FCHO2: variants seen among roughly 807,000 people sequenced by gnomAD.
The protein encoded by FCHO2 is FCH and mu domain containing endocytic adaptor 2, also known as F-BAR domain only protein 2.
In FCHO2, 43 loss-of-function variants were observed where a neutral mutation model predicts 114.1. The ratio of observed to expected loss-of-function variants is 0.38; its 90% CI spans 0.30 to 0.49. The LOEUF is 0.49. Ranked by LOEUF, FCHO2 falls within the 20% of genes least tolerant of loss-of-function variation. The probability of loss-of-function intolerance (pLI) is 0.97; values close to 1 mark genes in which losing one functional copy is unlikely to be tolerated. For synonymous variants in FCHO2, 293 were observed against 315.2 expected (o/e 0.93, Z 0.75); for missense variants, 807 against 950.4 (o/e 0.85, Z 1.98).
In FCHO2 at chr5:72,970,513, G is replaced by T. The variant is rs377652031; in HGVS notation, c.125+1924G>T. On this transcript the variant is annotated intron_variant, in intron 2 of 25. Coordinates refer to ENST00000430046, the MANE Select transcript of FCHO2 (RefSeq NM_138782.3). Reference sequence around the variant, plus strand: ...TTAGAACTTTAATTTCCATTCAAAAGAAGTAAAATATAAATTCAATAAGTT... The same window carrying T: ...TTAGAACTTTAATTTCCATTCAAAATAAGTAAAATATAAATTCAATAAGTT... Among the ~76,000 whole-genome samples the T allele has an allele frequency of 5.3e-5, 8 of 150,418 alleles. No individual in the cohort carries two copies. In the East Asian group the frequency reaches 7.8e-4, roughly 15 times the overall value.
At chr5:73,025,022 G>C (rs978606873) in intron 8 of FCHO2, among the ~76,000 whole-genome samples, 10 of 152,032 alleles carry the variant, frequency 6.6e-5, no homozygotes, top group African/African-American at 2.4e-4. Context: ...ATGGGCTTTC[G>C]TAGAGTCACT....
intron 1 of FCHO2, among the ~76,000 whole-genome samples, chr5:72,958,090 A>G (rs957533081): frequency 6.6e-6 from 1 of 151,532 alleles, no homozygotes; most frequent in African/African-American, 2.4e-5. Flanking sequence ...CTGATACATA[A>G]TGTGCAAACA....
chr5:73,032,631 C>T (rs1036763882), intron 8 of FCHO2, among the ~76,000 whole-genome samples: 4 of 151,988 alleles, frequency 2.6e-5, no homozygotes, highest in African/African-American at 9.7e-5. Flanking sequence ...TGTAAAAGTC[C>T]TTCTAGATAA....
intron 1 of FCHO2, among the ~76,000 whole-genome samples, chr5:72,962,717 A>G (rs1477305573): frequency 6.6e-6 from 1 of 152,060 alleles, no homozygotes; most frequent in East Asian, 1.9e-4. Context: ...ACATGGTGAA[A>G]CCCCGTCTCT....
At chr5:72,962,670 G>A (rs563569769) in intron 1 of FCHO2, among the ~76,000 whole-genome samples, 114 of 152,214 alleles carry the variant, frequency 7.5e-4, no homozygotes, top group African/African-American at 2.5e-3. Flanking sequence ...TGAGGTGGGC[G>A]GACCATGAGG....
chr5:73,032,928 T>C (rs2112789933), intron 8 of FCHO2, among the ~76,000 whole-genome samples: 1 of 152,326 alleles, frequency 6.6e-6, no homozygotes, highest in South Asian at 2.1e-4. Flanking sequence ...AAGCTGTTGG[T>C]AATTTAGGTA....
chr5:72,975,507 C>CT lies in FCHO2; in HGVS notation c.125+6928dup, dbSNP rs932555172. On this transcript the variant is annotated intron_variant, in intron 2 of 25. Transcript: ENST00000430046. ...ATGTTCGGCTGATTTTTGTATTATT[C>CT]TTTTTTTTTTGAGACAGAGTCTCGC... is the stretch of plus-strand genomic sequence containing the variant. Among the ~76,000 whole-genome samples the CT allele has an allele frequency of 1.2e-3, 172 of 148,456 alleles. 1 individual carries two copies. The highest frequency in any genetic ancestry group is 3.7e-3 in the African/African-American group (149 of 40,578).
intron 1 of FCHO2, among the ~76,000 whole-genome samples, chr5:72,964,417 G>A (rs549715147): frequency 2.0e-5 from 3 of 152,002 alleles, no homozygotes; most frequent in Admixed American, 6.6e-5. Flanking sequence ...ACTGAGTTTC[G>A]CTGTATTGCT....
intron 24 of FCHO2, among the ~76,000 whole-genome samples, chr5:73,083,751 G>A (rs190924060): frequency 8.5e-4 from 130 of 152,192 alleles, no homozygotes; most frequent in Middle Eastern, 6.8e-3. Flanking sequence ...AATTAGCTGG[G>A]CGTCATGGTG....
At chr5:72,967,827 C>G (rs1752284808) in intron 1 of FCHO2, among the ~76,000 whole-genome samples, 2 of 151,674 alleles carry the variant, frequency 1.3e-5, no homozygotes, top group Non-Finnish European at 2.9e-5. Context: ...ACCATGTTGG[C>G]CAGGCTGATC....
At chr5:73,033,413 A>G (rs1561464435) in intron 8 of FCHO2, among the ~76,000 whole-genome samples, 1 of 152,122 alleles carries the variant, frequency 6.6e-6, no homozygotes, top group African/African-American at 2.4e-5. Context: ...GGACATTAAG[A>G]CAATATTTTT....
intron 1 of FCHO2, among the ~76,000 whole-genome samples, chr5:72,960,868 C>A (rs1332874843): frequency 6.6e-6 from 1 of 152,082 alleles, no homozygotes. Context: ...CACCCAAAGA[C>A]ACTAAGTAGT....
Position 73,087,731 on chromosome 5 carries a change from A to C in FCHO2, c.2388A>C (p.Leu796Phe), listed in dbSNP as rs571911734. Residue 796 changes from leucine (L) to phenylalanine (F), a missense_variant, in exon 25 of 26, where the codon TTA becomes TTC. By Grantham distance (22) the Leu-to-Phe change is conservative. Transcript: ENST00000430046. Reference protein sequence around the residue: ...ELVGTGYRLSLIKKRFATGRY... With the variant: ...ELVGTGYRLSFIKKRFATGRY... ...TGGGCACTGGCTATAGGCTTTCCTT[A>C]ATAAAGAAGCGGTTTGCTACTGGTA... The C allele has an allele frequency of 6.9e-6, 11 of 1,584,954 alleles. No homozygotes were observed. The Admixed American group carries it at 1.9e-4, about 27-fold the overall frequency.
intron 11 of FCHO2, among the ~76,000 whole-genome samples, chr5:73,045,995 C>T (rs948607347): frequency 5.9e-5 from 9 of 152,084 alleles, no homozygotes; most frequent in Admixed American, 3.9e-4. Context: ...TGAATCACTT[C>T]GTAGAGTGAT....
intron 5 of FCHO2, chr5:72,997,543 C>T: frequency 7.5e-7 from 1 of 1,339,572 alleles, no homozygotes; most frequent in Admixed American, 1.7e-5. Context: ...ACCCCAGTGA[C>T]ACAACCCTTC....
intron 5 of FCHO2, among the ~76,000 whole-genome samples, chr5:72,998,359 C>T (rs1427864075): frequency 1.3e-5 from 2 of 151,896 alleles, no homozygotes; most frequent in South Asian, 2.1e-4. Flanking sequence ...TGGTGGCGGG[C>T]GCCTGTAGTC....
chr5:72,996,914 A>G, intron 5 of FCHO2: 16 of 1,583,340 alleles, frequency 1.0e-5, no homozygotes, highest in Admixed American at 1.7e-5. Flanking sequence ...TGCCAGGGTC[A>G]TCAGGATGAT....
chr5:73,070,374 A>C (rs1194160984), intron 19 of FCHO2, among the ~76,000 whole-genome samples: 1 of 151,132 alleles, frequency 6.6e-6, no homozygotes, highest in Non-Finnish European at 1.5e-5. Context: ...CATTTTTCCC[A>C]TCTTTTAATT....
chr5:73,017,340 T>A (rs771400058), intron 8 of FCHO2, 32 bp downstream of exon 8: 37 of 1,401,368 alleles, frequency 2.6e-5, no homozygotes, highest in Admixed American at 7.0e-5. Context: ...GGAAACATTT[T>A]AAATTTTCCC....
Sources: allele counts gnomAD v4.1 joint callset (sites outside exome capture counted in the v4.1 genomes callset), GRCh38; gene constraint gnomAD v4.1.1; transcripts MANE v1.5; gene names NCBI Gene and HGNC (gene_info 2026-07-23, HGNC 2026-07-21).